Variants in HEATR5A observed in about 807,000 individuals in gnomAD.
HEATR5A encodes HEAT repeat containing 5A.
A neutral mutation model predicts 218.8 loss-of-function variants in HEATR5A; 178 were observed. That is an observed-to-expected ratio of 0.81 (90% CI 0.72 to 0.92). HEATR5A has a LOEUF of 0.92. Ranked by LOEUF, HEATR5A falls within the 40% of genes least tolerant of loss-of-function variation. The pLI is 0.00. For synonymous variants in HEATR5A, 864 were observed against 871.6 expected (o/e 0.99, Z 0.15); for missense variants, 2,420 against 2,418.9 (o/e 1.00, Z -0.01).
intron 10 of HEATR5A, among the ~76,000 whole-genome samples, chr14:31,381,435 C>T (rs533655863): frequency 3.3e-4 from 50 of 151,684 alleles, no homozygotes; most frequent in African/African-American, 9.2e-4. Flanking sequence ...GTAATCCCAA[C>T]GACTCAGAAG....
intron 28 of HEATR5A, among the ~76,000 whole-genome samples, chr14:31,311,360 G>T (rs1477140894): frequency 3.0e-4 from 46 of 151,960 alleles, no homozygotes. Context: ...GTTTAAAAAT[G>T]TATGCGGTAA....
intron 28 of HEATR5A, among the ~76,000 whole-genome samples, chr14:31,311,099 G>C (rs1899736231): frequency 6.6e-6 from 1 of 151,906 alleles, no homozygotes; most frequent in South Asian, 2.1e-4. Context: ...AAAACTAGTA[G>C]AACTTTACAG....
intron 22 of HEATR5A, among the ~76,000 whole-genome samples, chr14:31,336,677 T>C (rs1032422352): frequency 1.3e-5 from 2 of 152,188 alleles, no homozygotes; most frequent in Non-Finnish European, 2.9e-5. Flanking sequence ...GACGTATCTA[T>C]AATAAATTTT....
chr14:31,396,414 A>G (rs1282691314), intron 4 of HEATR5A, among the ~76,000 whole-genome samples: 1 of 152,024 alleles, frequency 6.6e-6, no homozygotes, highest in Non-Finnish European at 1.5e-5. Context: ...ACTGAACTCC[A>G]GCCTGGGTGA....
chr14:31,339,769 G>A (rs757557408), intron 21 of HEATR5A, among the ~76,000 whole-genome samples: 15 of 152,132 alleles, frequency 9.9e-5, no homozygotes, highest in Admixed American at 2.6e-4. Context: ...AAACTATATT[G>A]TTAGCAGGTT....
At chr14:31,361,561 T>C (rs1028405632) in intron 14 of HEATR5A, among the ~76,000 whole-genome samples, 2 of 152,336 alleles carry the variant, frequency 1.3e-5, no homozygotes, top group African/African-American at 4.8e-5. Flanking sequence ...TGCTTCTCAG[T>C]TGAAAGTGAT....
At chr14:31,389,046 TA>T (rs761525543) in intron 6 of HEATR5A, 41 bp from the exon 7 acceptor site, 2 of 1,490,802 alleles carry the variant, frequency 1.3e-6, no homozygotes, top group Non-Finnish European at 9.1e-7. Flanking sequence ...TTTTACAGAC[TA>T]AATTTTAATG....
Position 31,323,599 on chromosome 14 carries a change from A to T in HEATR5A, c.3753T>A (p.Ala1251=). Residue 1251 remains alanine (A), a synonymous_variant, in exon 24 of 36, where the codon GCT becomes GCA. Transcript: ENST00000543095. The part of the protein sequence containing the change: ...ENANSAHFDI[A]LAQEMKKRDS... ...CTCTTTTTTTCATTTCTTGTGCTAA[A>T]GCAATGTCAAAATGTGCACTGTTAG... The T allele has an allele frequency of 1.2e-6, 2 of 1,611,528 alleles. No individual in the cohort carries two copies. Among genetic ancestry groups the T allele is most frequent in the East Asian group, 2.2e-5 (1 of 44,820 alleles).
Position 31,402,206 on chromosome 14 carries a change from T to C in HEATR5A, c.126+644A>G, listed in dbSNP as rs114249927. Among the ~76,000 whole-genome samples the C allele has an allele frequency of 5.5e-3, 840 of 152,316 alleles. 9 individuals carry two copies. The highest frequency in any genetic ancestry group is 0.019 in the African/African-American group (783 of 41,570). On this transcript the variant is annotated intron_variant, in intron 2 of 35. Transcript: ENST00000543095. ...ATTCTAAATGTCTCCATGAGTAGTG[T>C]TTTTCTACCACTTTGGAACTGCATA... is the stretch of plus-strand genomic sequence containing the variant.
At chr14:31,398,533 T>G (rs763679312) in intron 4 of HEATR5A, 140 bp downstream of exon 4, 1 of 558,376 alleles carries the variant, frequency 1.8e-6, no homozygotes, top group Non-Finnish European at 3.1e-6. Flanking sequence ...GTGCATCACC[T>G]AGAAATATTA....
intron 14 of HEATR5A, among the ~76,000 whole-genome samples, chr14:31,363,289 T>C (rs1332228044): frequency 6.6e-6 from 1 of 151,786 alleles, no homozygotes; most frequent in Non-Finnish European, 1.5e-5. Flanking sequence ...TTCAAGATAC[T>C]ATTGTAAAAA....
At chr14:31,388,526 G>C (rs1481539953) in intron 7 of HEATR5A, among the ~76,000 whole-genome samples, 1 of 152,050 alleles carries the variant, frequency 6.6e-6, no homozygotes, top group Non-Finnish European at 1.5e-5. Flanking sequence ...AACTGCATGA[G>C]CACACACAAA....
intron 31 of HEATR5A, 23 bp from the exon 32 acceptor site, chr14:31,305,200 A>G (rs772214333): frequency 6.2e-7 from 1 of 1,604,212 alleles, no homozygotes; most frequent in South Asian, 1.1e-5. Context: ...ATAGTGTTTA[A>G]TACTTTGTGC....
At chr14:31,378,804 A>C (rs1221808884) in intron 11 of HEATR5A, among the ~76,000 whole-genome samples, 63 of 145,028 alleles carry the variant, frequency 4.3e-4, no homozygotes, top group Admixed American at 1.2e-3. Context: ...AAACAAACAA[A>C]AAAAAAAAAC....
At chr14:31,319,614 T>G (rs563412056) in intron 25 of HEATR5A, among the ~76,000 whole-genome samples, 40 of 152,356 alleles carry the variant, frequency 2.6e-4, no homozygotes, top group Admixed American at 6.5e-4. Flanking sequence ...TGAATAATAA[T>G]GAGAGATCTC....
chr14:31,411,875 T>A (rs1327459829), intron 1 of HEATR5A, among the ~76,000 whole-genome samples: 1 of 152,164 alleles, frequency 6.6e-6, no homozygotes, highest in African/African-American at 2.4e-5. Context: ...TCTTTTTTTT[T>A]AAGACAGTCT....
At chr14:31,330,608 G>C (rs1181524267) in intron 22 of HEATR5A, among the ~76,000 whole-genome samples, 1 of 152,092 alleles carries the variant, frequency 6.6e-6, no homozygotes, top group Middle Eastern at 3.4e-3. Flanking sequence ...CTAACAAGTA[G>C]TGAAACCCTG....
intron 22 of HEATR5A, among the ~76,000 whole-genome samples, chr14:31,335,798 C>T (rs559735525): frequency 2.0e-5 from 3 of 152,058 alleles, no homozygotes; most frequent in South Asian, 4.2e-4. Context: ...GGACTACAGG[C>T]GCATGCCACC....
rs559425424 is a variant in HEATR5A at position 31,345,750 on chromosome 14, G to T, written c.2869-474C>A. On this transcript the variant is annotated intron_variant, in intron 19 of 35. Coordinates refer to ENST00000543095, the MANE Select transcript of HEATR5A (RefSeq NM_015473.4). The stretch of plus-strand genomic sequence containing the variant: ...TTATGCTGTTGCAAATTAGGATAGT[G>T]GTTATCCTTGGTGGGGGCAGGTAGT... 2.0e-5 allele frequency among the ~76,000 whole-genome samples: 3 copies of T among 152,274 alleles called. 1 individual carries two copies. In the South Asian group the frequency reaches 6.2e-4, roughly 32 times the overall value.
Sources: allele counts gnomAD v4.1 joint callset (sites outside exome capture counted in the v4.1 genomes callset), GRCh38; gene constraint gnomAD v4.1.1; transcripts MANE v1.5; gene names NCBI Gene and HGNC (gene_info 2026-07-23, HGNC 2026-07-21).